ATP6V1A: variants seen among roughly 807,000 people sequenced by gnomAD.
ATP6V1A encodes ATPase H+ transporting V1 subunit A.
A neutral mutation model predicts 70.1 loss-of-function variants in ATP6V1A; 18 were observed. The ratio of observed to expected loss-of-function variants is 0.26; its 90% confidence interval spans 0.18 to 0.38. The LOEUF is 0.38. Ranked by LOEUF, ATP6V1A falls within the 10% of genes least tolerant of loss-of-function variation. The pLI, the probability that ATP6V1A is intolerant of heterozygous loss-of-function variation, is 1.00. For missense variants in ATP6V1A, 424 were observed against 772.4 expected, an observed-to-expected ratio of 0.55 and a Z score of 5.35; for synonymous variants, 232 against 253.8, an observed-to-expected ratio of 0.91 and a Z score of 0.82.
In ATP6V1A at chr3:113,809,828, G is replaced by A. The variant is rs1709320440; in HGVS notation, c.*401G>A. On this transcript the variant is annotated 3_prime_UTR_variant, in exon 15 of 15. Transcript: ENST00000273398. ...GGAAGGCCAGGTTTCTATAACTTTTGAACAGGTACTTTGTGAAATGACTCA... is the reference window on the plus strand; with the variant it reads ...GGAAGGCCAGGTTTCTATAACTTTTAAACAGGTACTTTGTGAAATGACTCA... 6.5e-6 allele frequency: 1 copy of A among 153,324 alleles called. No homozygotes were observed. Among genetic ancestry groups the A allele is most frequent in the Non-Finnish European group, 1.5e-5 (1 of 68,800 alleles). The allele number at this position is 153,324 out of a possible 1,614,324, so 9.5% of individuals were successfully genotyped here.
chr3:113,794,761 C>T, intron 8 of ATP6V1A, 111 bp from the exon 9 acceptor site: 2 of 1,261,298 alleles, frequency 1.6e-6, no homozygotes, highest in Non-Finnish European at 2.2e-6. Context: ...GAGGGAGCCA[C>T]TAGCAGTCTA....
At chr3:113,791,711 C>A (rs1577092564) in intron 8 of ATP6V1A, among the ~76,000 whole-genome samples, 1 of 150,592 alleles carries the variant, frequency 6.6e-6, no homozygotes, top group Non-Finnish European at 1.5e-5. Context: ...AGTGAATTCT[C>A]CTCTGTCTCA....
At position 113,789,764 on chromosome 3, in the gene ATP6V1A, A is replaced by G. The variant is rs1164942903; in HGVS notation, c.912A>G (p.Ser304=). ...LTMEVDGKVE[S]IMKRTALVAN... ...TGGAGGTTGATGGTAAGGTAGAGTC[A>G]ATTATGAAGAGGACAGCTTTGGTAG... Residue 304 remains serine, a synonymous_variant, in exon 8 of 15, where the codon TCA becomes TCG. Coordinates refer to ENST00000273398, the MANE Select transcript of ATP6V1A (RefSeq NM_001690.4). The G allele has an allele frequency of 1.9e-6, 3 of 1,612,802 alleles. No individual in the cohort carries two copies. The highest frequency in any genetic ancestry group is 2.5e-6 in the Non-Finnish European group (3 of 1,178,974).
chr3:113,777,937 T>C (rs1708935053), intron 1 of ATP6V1A, among the ~76,000 whole-genome samples: 1 of 152,174 alleles, frequency 6.6e-6, no homozygotes, highest in African/African-American at 2.4e-5. Context: ...AGAGAGGTCA[T>C]TGAGGATGGG....
At chr3:113,786,108 T>A (rs1709037235) in intron 5 of ATP6V1A, 124 bp from the exon 6 acceptor site, 2 of 645,172 alleles carry the variant, frequency 3.1e-6, no homozygotes, top group Admixed American at 4.1e-5. Context: ...ATAAAAAGTA[T>A]AAATCTCCCT....
intron 8 of ATP6V1A, 61 bp from the exon 9 acceptor site, chr3:113,794,810 GA>G: frequency 5.8e-6 from 9 of 1,540,572 alleles, no homozygotes; most frequent in Non-Finnish European, 7.8e-6. Flanking sequence ...CTTAAGGGTG[GA>G]AAAAAACAGG....
rs559142497 is a variant in ATP6V1A at position 113,811,583 on chromosome 3, G to T, written c.*2156G>T. The T allele has an allele frequency of 2.0e-4, 30 of 152,558 alleles. No individual in the cohort carries two copies. Among genetic ancestry groups the T allele is most frequent in the Non-Finnish European group, 3.4e-4 (23 of 68,004 alleles). The allele number at this position is 152,558 out of a possible 1,614,324, so 9.5% of individuals were successfully genotyped here. On this transcript the variant is annotated 3_prime_UTR_variant, in exon 15 of 15. Transcript: ENST00000273398. ...TGATAGCAATGAATGGTATGATGAA[G>T]AAAGTTTGACCAAATTTGTTTTTTT...
intron 8 of ATP6V1A, among the ~76,000 whole-genome samples, chr3:113,791,281 C>T (rs1278505259): frequency 1.3e-5 from 2 of 151,904 alleles, no homozygotes; most frequent in Non-Finnish European, 1.5e-5. Flanking sequence ...TGTGTTGCTT[C>T]TAATGAAACC....
intron 6 of ATP6V1A, among the ~76,000 whole-genome samples, chr3:113,787,686 T>C (rs1709052283): frequency 6.6e-6 from 1 of 152,220 alleles, no homozygotes; most frequent in Admixed American, 6.5e-5. Flanking sequence ...TTTTTAAAAA[T>C]AAAGAATTGT....
At chr3:113,807,540 TA>T (rs1709290005) in intron 14 of ATP6V1A, among the ~76,000 whole-genome samples, 1 of 152,178 alleles carries the variant, frequency 6.6e-6, no homozygotes, top group African/African-American at 2.4e-5. Flanking sequence ...GGTGTGTCCA[TA>T]AGATAGATAT....
At chr3:113,749,318 T>A (rs1329148329) in intron 1 of ATP6V1A, among the ~76,000 whole-genome samples, 1 of 150,112 alleles carries the variant, frequency 6.7e-6, no homozygotes. Flanking sequence ...ATTGGAAGCC[T>A]GGAAAACATT....
At chr3:113,805,951 G>A (rs1433432472) in intron 14 of ATP6V1A, among the ~76,000 whole-genome samples, 1 of 152,134 alleles carries the variant, frequency 6.6e-6, no homozygotes, top group Admixed American at 6.5e-5. Flanking sequence ...TCAAAGTTAT[G>A]TTCAAATAGG....
intron 1 of ATP6V1A, among the ~76,000 whole-genome samples, chr3:113,754,303 C>T (rs1384755639): frequency 6.6e-6 from 1 of 152,088 alleles, no homozygotes. Context: ...GCAGGTAGAT[C>T]GCTTGAGCCC....
intron 1 of ATP6V1A, among the ~76,000 whole-genome samples, chr3:113,772,091 G>A (rs1708847958): frequency 6.6e-6 from 1 of 152,216 alleles, no homozygotes; most frequent in Non-Finnish European, 1.5e-5. Context: ...TTACCTAGTG[G>A]GAGAGATCTG....
At chr3:113,795,025 A>G in intron 9 of ATP6V1A, 31 bp downstream of exon 9, 1 of 1,613,232 alleles carries the variant, frequency 6.2e-7, no homozygotes, top group Non-Finnish European at 8.5e-7. Flanking sequence ...TCATGTAAAC[A>G]AGACTGATGG....
rs199753308 is a variant in ATP6V1A, at chr3:113,791,394, GTT to G, written c.988+1568_988+1569del. Among the ~76,000 whole-genome samples, 1,234 of 138,692 alleles carry G rather than the reference GTT, an allele frequency of 8.9e-3. 14 individuals carry two copies. The highest frequency in any genetic ancestry group is 0.022 in the Admixed American group (304 of 13,900). The allele number at this position is 138,692 out of a possible 152,430, so 91.0% of individuals were successfully genotyped here. Reference sequence around the variant, plus strand: ...TTTTGTAGTAGGCTGCATTATTAGGGTTTTTTTTTTTTTTTAACTGTGGTCAC... The same window carrying G: ...TTTTGTAGTAGGCTGCATTATTAGGGTTTTTTTTTTTTTAACTGTGGTCAC... On this transcript the variant is annotated intron_variant, in intron 8 of 14. Coordinates refer to ENST00000273398, the MANE Select transcript of ATP6V1A (RefSeq NM_001690.4).
chr3:113,798,174 C>G, intron 11 of ATP6V1A, 69 bp from the exon 12 acceptor site: 1 of 1,530,872 alleles, frequency 6.5e-7, no homozygotes, highest in African/African-American at 1.4e-5. Flanking sequence ...GACAAACATG[C>G]TTCGGTATTT....
At chr3:113,750,229 C>T (rs970480254) in intron 1 of ATP6V1A, among the ~76,000 whole-genome samples, 2 of 152,114 alleles carry the variant, frequency 1.3e-5, no homozygotes, top group East Asian at 1.9e-4. Context: ...TCTGTAATCC[C>T]AGTGCTTTGG....
intron 1 of ATP6V1A, among the ~76,000 whole-genome samples, chr3:113,766,998 A>G (rs2108016524): frequency 6.6e-6 from 1 of 151,470 alleles, no homozygotes; most frequent in Non-Finnish European, 1.5e-5. Context: ...TCATAGGACT[A>G]GTGTTAAGAA....
Sources: gnomAD v4.1 joint callset for allele counts (sites outside exome capture counted in the v4.1 genomes callset) on GRCh38, gnomAD v4.1.1 for gene constraint, MANE v1.5 for transcripts, NCBI Gene and HGNC (gene_info 2026-07-23, HGNC 2026-07-21) for gene names.